The following CCDC81 variants were observed in gnomAD, a reference collection of about 807,000 sequenced individuals.
CCDC81 encodes the protein coiled-coil domain containing 81, also known as coiled-coil domain-containing protein 81.
Under a neutral mutation model 83.7 loss-of-function variants are expected in CCDC81, and 79 were observed. That is an observed-to-expected ratio of 0.94 (90% confidence interval 0.79 to 1.14). The LOEUF (loss-of-function observed/expected upper bound fraction) is 1.14. Ranked by LOEUF, CCDC81 falls within the 50% of genes most tolerant of loss-of-function variation. The pLI, the probability that CCDC81 is intolerant of heterozygous loss-of-function variation, is 0.00. For synonymous variants in CCDC81, 252 were observed against 278.1 expected (o/e 0.91, Z 0.93); for missense variants, 791 against 778.1 (o/e 1.02, Z -0.20).
intron 1 of CCDC81, among the ~76,000 whole-genome samples, chr11:86,382,269 AT>A (rs1948186732): frequency 6.6e-6 from 1 of 152,160 alleles, no homozygotes; most frequent in African/African-American, 2.4e-5. Context: ...ACCTATAGCA[AT>A]AGTCTTGGTG....
At chr11:86,415,069 G>T (rs767488748) in intron 12 of CCDC81, 24 bp from the exon 13 acceptor site, 2 of 1,608,784 alleles carry the variant, frequency 1.2e-6, no homozygotes, top group Non-Finnish European at 1.7e-6. Flanking sequence ...ATGATAACCT[G>T]CATTATGTGT....
intron 7 of CCDC81, among the ~76,000 whole-genome samples, chr11:86,403,069 G>GTCTAGAAC (rs1312604215): frequency 2.0e-4 from 29 of 145,490 alleles, no homozygotes; most frequent in African/African-American, 7.1e-4. Context: ...GTGTAGGCTG[G>GTCTAGAAC]TCTAGAACTC....
intron 7 of CCDC81, among the ~76,000 whole-genome samples, chr11:86,403,013 A>ATTTTTTTTTTTTTT (rs545083032): frequency 8.9e-6 from 1 of 112,490 alleles, no homozygotes; most frequent in African/African-American, 3.3e-5. Context: ...TAATTTTTTG[A>ATTTTTTTTTTTTTT]TTTTTTTTTT....
rs1168222874 is a variant in CCDC81 at position 86,400,883 on chromosome 11, G to C, written c.881+82G>C. The C allele has an allele frequency of 2.9e-6, 4 of 1,364,072 alleles. No individual in the cohort carries two copies. In the African/African-American group the frequency reaches 5.8e-5, roughly 20 times the overall value. 84.5% of individuals were successfully genotyped at this position (1,364,072 alleles called of 1,614,324 possible). On this transcript the variant is annotated intron_variant, in intron 7 of 14. Coordinates refer to ENST00000445632, the MANE Select transcript of CCDC81 (RefSeq NM_001156474.2). ...TTGCTTGATGCGGGGAACTGTAATTGTTCATTAATTCATTTATCCAGTGTT... is the reference window on the plus strand; with the variant it reads ...TTGCTTGATGCGGGGAACTGTAATTCTTCATTAATTCATTTATCCAGTGTT...
chr11:86,389,565 A>C (rs1368630041), intron 3 of CCDC81, among the ~76,000 whole-genome samples: 3 of 152,098 alleles, frequency 2.0e-5, no homozygotes, highest in Non-Finnish European at 4.4e-5. Flanking sequence ...CAAGCATGAA[A>C]TGGGGAGGCA....
chr11:86,409,509 A>G (rs1327968469), intron 10 of CCDC81, 144 bp downstream of exon 10: 3 of 447,988 alleles, frequency 6.7e-6, no homozygotes, highest in South Asian at 5.7e-5. Context: ...CTGCAGTGCA[A>G]TGGTGTGGTC....
At chr11:86,377,317 C>T (rs1171801680) in intron 1 of CCDC81, among the ~76,000 whole-genome samples, 2 of 152,112 alleles carry the variant, frequency 1.3e-5, no homozygotes, top group African/African-American at 4.8e-5. Flanking sequence ...GGTAAATACC[C>T]AGGGACATAA....
intron 3 of CCDC81, among the ~76,000 whole-genome samples, chr11:86,389,584 T>C (rs1162921575): frequency 2.0e-5 from 3 of 152,050 alleles, no homozygotes; most frequent in Non-Finnish European, 4.4e-5. Flanking sequence ...CACCACACAC[T>C]TTTAAACCAT....
At position 86,386,059 on chromosome 11, in the gene CCDC81, A is replaced by G. The variant is rs770075290; in HGVS notation, c.88A>G (p.Ile30Val). The change falls in exon 2 of 15, where the codon ATT becomes GTT. Residue 30 changes from isoleucine to valine, a missense_variant. By Grantham distance (29) the Ile-to-Val change is conservative (BLOSUM62 3). Transcript: ENST00000445632. ...TTACTTTTGAATTTCAGAAGTCTCT[A>G]TTATCTGGGGGAATGTATCAGAATT... ...LPSLSQEEVS[I>V]IWGNVSEFVR... The G allele has an allele frequency of 6.6e-6, 10 of 1,526,256 alleles. No homozygotes were observed. The highest frequency in any genetic ancestry group is 2.4e-5 in the East Asian group (1 of 41,178). The allele number at this position is 1,526,256 out of a possible 1,614,324, so 94.5% of individuals were successfully genotyped here. A position where few individuals can be genotyped will look rare whatever the true frequency, so the allele number is the denominator to read the frequency against.
At chr11:86,414,458 C>G in intron 11 of CCDC81, 1 of 182,534 alleles carries the variant, frequency 5.5e-6, no homozygotes, top group South Asian at 1.3e-4. Context: ...AGGCACCCAC[C>G]ACCACCCCCG....
intron 5 of CCDC81, among the ~76,000 whole-genome samples, chr11:86,397,311 G>T (rs1015330288): frequency 2.6e-5 from 4 of 152,104 alleles, no homozygotes; most frequent in Admixed American, 6.6e-5. Flanking sequence ...TCTAGTTAAA[G>T]AAGTAGGATA....
chr11:86,384,497 T>C (rs959628606), intron 1 of CCDC81, among the ~76,000 whole-genome samples: 33 of 152,174 alleles, frequency 2.2e-4, no homozygotes, highest in African/African-American at 7.2e-4. Flanking sequence ...ATAAAAGTCA[T>C]TGCTACTTCT....
intron 7 of CCDC81, 75 bp downstream of exon 7, chr11:86,400,876 T>C: frequency 2.8e-6 from 4 of 1,406,060 alleles, no homozygotes; most frequent in Non-Finnish European, 3.9e-6. Context: ...TGCGGGGAAC[T>C]GTAATTGTTC....
intron 11 of CCDC81, among the ~76,000 whole-genome samples, chr11:86,412,878 G>C (rs1488760183): frequency 6.6e-6 from 1 of 152,132 alleles, no homozygotes; most frequent in African/African-American, 2.4e-5. Flanking sequence ...AAGCCCCAGT[G>C]GGCATGTGTT....
intron 14 of CCDC81, among the ~76,000 whole-genome samples, chr11:86,420,437 T>C (rs1948774447): frequency 1.3e-5 from 2 of 152,182 alleles, no homozygotes; most frequent in Admixed American, 6.5e-5. Context: ...GGTTGTAAGA[T>C]TGGCAATTGG....
rs148859119 is a variant in CCDC81 at position 86,416,514 on chromosome 11, C to T, written c.1691+1201C>T. 7.3e-4 allele frequency among the ~76,000 whole-genome samples: 111 copies of T among 152,296 alleles called. 1 individual carries two copies. In the East Asian group the frequency reaches 0.018, roughly 24 times the overall value. On this transcript the variant is annotated intron_variant, in intron 13 of 14. Coordinates refer to ENST00000445632, the MANE Select transcript of CCDC81 (RefSeq NM_001156474.2). Reference sequence around the variant, plus strand: ...AAAGTGTCACTTTTAAGTTGTATGACTTGGGCCAGATCACATGTAAGGTCT... The same window carrying T: ...AAAGTGTCACTTTTAAGTTGTATGATTTGGGCCAGATCACATGTAAGGTCT...
chr11:86,382,775 C>G (rs980567349), intron 1 of CCDC81, among the ~76,000 whole-genome samples: 1 of 151,980 alleles, frequency 6.6e-6, no homozygotes, highest in Non-Finnish European at 1.5e-5. Flanking sequence ...GCAAGGGAGA[C>G]TGAAGAAATG....
intron 7 of CCDC81, among the ~76,000 whole-genome samples, chr11:86,406,192 C>T (rs1414654873): frequency 6.6e-6 from 1 of 152,166 alleles, no homozygotes; most frequent in Non-Finnish European, 1.5e-5. Flanking sequence ...ACTGTGTTGT[C>T]GCTCTTGAGT....
chr11:86,417,051 C>T (rs1243243643), intron 13 of CCDC81, among the ~76,000 whole-genome samples: 1 of 152,068 alleles, frequency 6.6e-6, no homozygotes, highest in South Asian at 2.1e-4. Context: ...TGAGACCAGC[C>T]TGGGCAACAT....
Sources: allele counts gnomAD v4.1 joint callset (sites outside exome capture counted in the v4.1 genomes callset), GRCh38; gene constraint gnomAD v4.1.1; transcripts MANE v1.5; gene names NCBI Gene and HGNC (gene_info 2026-07-23, HGNC 2026-07-21).